The following DDX10 variants were observed in gnomAD, a reference collection of about 807,000 sequenced individuals.
DDX10 encodes DEAD-box helicase 10, also known as probable ATP-dependent RNA helicase DDX10.
DDX10 carries 74 observed loss-of-function variants against 104.3 expected under a neutral mutation model. The observed-to-expected ratio is 0.71, with a 90% CI of 0.59 to 0.86. The LOEUF is 0.86. Ranked by LOEUF, DDX10 falls within the 40% of genes least tolerant of loss-of-function variation. The pLI, the probability that DDX10 is intolerant of heterozygous loss-of-function variation, is 0.00. For missense variants in DDX10, 952 were observed against 1,040.0 expected (o/e 0.92, Z 1.16); for synonymous variants, 351 against 353.4 (o/e 0.99, Z 0.08).
At chr11:108,904,458 C>T (rs1863564101) in intron 16 of DDX10, among the ~76,000 whole-genome samples, 1 of 152,168 alleles carries the variant, frequency 6.6e-6, no homozygotes, top group African/African-American at 2.4e-5. Context: ...CATTCATATG[C>T]ATTTGTCAAA....
At chr11:108,816,224 T>C (rs1318790778) in intron 13 of DDX10, among the ~76,000 whole-genome samples, 1 of 152,226 alleles carries the variant, frequency 6.6e-6, no homozygotes, top group African/African-American at 2.4e-5. Flanking sequence ...TATTCTAATC[T>C]CCATCTACGT....
At chr11:108,839,707 C>T (rs949327638) in intron 14 of DDX10, among the ~76,000 whole-genome samples, 1 of 152,096 alleles carries the variant, frequency 6.6e-6, no homozygotes, top group Admixed American at 6.5e-5. Flanking sequence ...GTCACAAAAT[C>T]GTGTGCCATT....
At chr11:108,901,161 T>C (rs2134648687) in intron 16 of DDX10, among the ~76,000 whole-genome samples, 2 of 152,334 alleles carry the variant, frequency 1.3e-5, no homozygotes, top group African/African-American at 4.8e-5. Flanking sequence ...GAATAATACA[T>C]GCCCCTGTGT....
chr11:108,783,415 G>A (rs979021490), intron 13 of DDX10, among the ~76,000 whole-genome samples: 4 of 152,124 alleles, frequency 2.6e-5, no homozygotes, highest in African/African-American at 9.7e-5. Flanking sequence ...AGGAGAGGAT[G>A]AGTGGGCCAC....
intron 14 of DDX10, among the ~76,000 whole-genome samples, chr11:108,839,510 T>A (rs1291745190): frequency 6.6e-6 from 1 of 152,210 alleles, no homozygotes; most frequent in Non-Finnish European, 1.5e-5. Context: ...CAAAAATTTA[T>A]TGATTGAATG....
At chr11:108,775,566 G>C (rs2094368827) in intron 13 of DDX10, among the ~76,000 whole-genome samples, 1 of 152,168 alleles carries the variant, frequency 6.6e-6, no homozygotes, top group Non-Finnish European at 1.5e-5. Context: ...AGCTCAGGTA[G>C]CATGTGAGAA....
intron 17 of DDX10, among the ~76,000 whole-genome samples, chr11:108,929,178 G>T (rs1156386686): frequency 6.6e-6 from 1 of 152,178 alleles, no homozygotes; most frequent in African/African-American, 2.4e-5. Flanking sequence ...CTGGACCCCA[G>T]CCCCTCATAG....
At chr11:108,869,272 A>C (rs1037698800) in intron 16 of DDX10, among the ~76,000 whole-genome samples, 2 of 151,614 alleles carry the variant, frequency 1.3e-5, no homozygotes, top group Non-Finnish European at 2.9e-5. Flanking sequence ...AGGCCAGGGC[A>C]TAAGATTGCC....
chr11:108,675,564 C>T, intron 2 of DDX10, 32 bp from the exon 3 acceptor site: 1 of 1,607,980 alleles, frequency 6.2e-7, no homozygotes, highest in South Asian at 1.1e-5. Flanking sequence ...CAGGGATCTT[C>T]TAAAGTATAA....
chr11:108,779,243 T>C (rs550213349), intron 13 of DDX10, among the ~76,000 whole-genome samples: 1 of 152,284 alleles, frequency 6.6e-6, no homozygotes, highest in East Asian at 1.9e-4. Context: ...CACACGTATG[T>C]TTATTGCAGC....
chr11:108,764,927 C>A (rs183017198), intron 13 of DDX10, among the ~76,000 whole-genome samples: 377 of 152,198 alleles, frequency 2.5e-3, no homozygotes, highest in African/African-American at 8.4e-3. Flanking sequence ...AATGAAAAAA[C>A]CTGTTCTTCA....
chr11:108,875,751 C>T (rs1393434321), intron 16 of DDX10, among the ~76,000 whole-genome samples: 4 of 152,130 alleles, frequency 2.6e-5, no homozygotes, highest in African/African-American at 7.2e-5. Context: ...TCACGTTTCG[C>T]GGTCCTGTTG....
chr11:108,810,345 A>G (rs983974826), intron 13 of DDX10, among the ~76,000 whole-genome samples: 2 of 151,958 alleles, frequency 1.3e-5, no homozygotes, highest in Admixed American at 6.6e-5. Context: ...TTTCGAACCT[A>G]TTGGGTTTTT....
At position 108,837,607 on chromosome 11, in the gene DDX10, CTTTTTTTTTTTTTTTTTTTTTT is replaced by C. The variant is rs142381520; in HGVS notation, c.1966-825_1966-804del. Among the ~76,000 whole-genome samples, 225 of 34,772 alleles carry C rather than the reference CTTTTTTTTTTTTTTTTTTTTTT, an allele frequency of 6.5e-3. 2 individuals are homozygous for C. Among genetic ancestry groups the C allele is most frequent in the African/African-American group, 0.026 (208 of 7,952 alleles). 22.8% of individuals were successfully genotyped at this position (34,772 alleles called of 152,430 possible). A position where few individuals can be genotyped will look rare whatever the true frequency, so the allele number is the denominator to read the frequency against. On this transcript the variant is annotated intron_variant, in intron 13 of 17. Coordinates refer to ENST00000322536, the MANE Select transcript of DDX10 (RefSeq NM_004398.4). ...TTCTGCATCTCACCTTTGGATACAG[CTTTTTTTTTTTTTTTTTTTTTT>C]TTTTTTTTTTTTTAGGCAAAGCCTT...
intron 16 of DDX10, among the ~76,000 whole-genome samples, chr11:108,899,177 A>G (rs528356610): frequency 1.3e-5 from 2 of 151,628 alleles, no homozygotes; most frequent in Non-Finnish European, 2.9e-5. Flanking sequence ...ACTGGTCTAT[A>G]TCAATCCCTT....
At position 108,909,077 on chromosome 11, in the gene DDX10, A is replaced by G. The variant is rs748833707; in HGVS notation, c.2305-8796A>G. Among the ~76,000 whole-genome samples the G allele has an allele frequency of 1.3e-5, 2 of 152,202 alleles. 1 individual carries two copies. Among genetic ancestry groups the G allele is most frequent in the East Asian group, 3.9e-4 (2 of 5,194 alleles). ...AGTCACCTTTCAGCACTTGGCATTT[A>G]TACTAATGAGGTGGCTTAGGGTGGC... On this transcript the variant is annotated intron_variant, in intron 16 of 17. Transcript: ENST00000322536.
At chr11:108,674,184 T>C (rs2094220804) in intron 2 of DDX10, among the ~76,000 whole-genome samples, 2 of 151,856 alleles carry the variant, frequency 1.3e-5, no homozygotes, top group African/African-American at 4.8e-5. Flanking sequence ...TAGCTGGGTG[T>C]GGTGGCGGGC....
At chr11:108,684,762 C>T (rs1231124664) in intron 6 of DDX10, among the ~76,000 whole-genome samples, 3 of 146,526 alleles carry the variant, frequency 2.0e-5, no homozygotes, top group Non-Finnish European at 4.5e-5. Flanking sequence ...TCTAGATCCC[C>T]GAGGAATCGC....
intron 13 of DDX10, among the ~76,000 whole-genome samples, chr11:108,728,944 C>T (rs2134482191): frequency 6.6e-6 from 1 of 152,236 alleles, no homozygotes. Context: ...AACCATTCTC[C>T]TGCTGTTGGA....
Sources: gnomAD v4.1 joint callset for allele counts (sites outside exome capture counted in the v4.1 genomes callset) on GRCh38, gnomAD v4.1.1 for gene constraint, MANE v1.5 for transcripts, NCBI Gene and HGNC (gene_info 2026-07-23, HGNC 2026-07-21) for gene names.